Variants in SLC25A24 observed in about 807,000 individuals in gnomAD.
The protein encoded by SLC25A24 is mitochondrial adenyl nucleotide antiporter SLC25A24.
A neutral mutation model predicts 60.7 loss-of-function variants in SLC25A24; 49 were observed. That is an observed-to-expected ratio of 0.81 (90% CI 0.64 to 1.02). SLC25A24 has a LOEUF of 1.02. Among genes scored for constraint, SLC25A24 ranks in the 50% least tolerant of loss-of-function variants. The pLI, the probability that SLC25A24 is intolerant of heterozygous loss-of-function variation, is 0.00. For synonymous variants in SLC25A24, 202 were observed against 200.6 expected (o/e 1.01, Z -0.06); for missense variants, 564 against 586.3 (o/e 0.96, Z 0.39).
rs1432089927 is a variant in SLC25A24 at position 108,161,143 on chromosome 1, A to C, written c.510+39T>G. The C allele has an allele frequency of 2.6e-6, 3 of 1,135,524 alleles. No individual in the cohort carries two copies. In the African/African-American group the frequency reaches 4.6e-5, roughly 17 times the overall value. 70.3% of individuals were successfully genotyped at this position (1,135,524 alleles called of 1,614,324 possible). ...TGGGTGATAACTGTACCTATGGTTT[A>C]TAGCTCCAAATAAGTATAAATACAT... On this transcript the variant is annotated intron_variant, in intron 4 of 9. Coordinates refer to ENST00000565488, the MANE Select transcript of SLC25A24 (RefSeq NM_013386.5).
chr1:108,191,243 T>G (rs1648335445), intron 1 of SLC25A24, among the ~76,000 whole-genome samples: 1 of 138,614 alleles, frequency 7.2e-6, no homozygotes, highest in Non-Finnish European at 1.6e-5. Flanking sequence ...GCTCAAGTGA[T>G]TCTCCTGCCT....
In SLC25A24 at chr1:108,191,367, T is replaced by C. The variant is rs1440604966; in HGVS notation, c.184-5413A>G. The stretch of plus-strand genomic sequence containing the variant: ...CTGGTCTTGAACTCCTGACCCCAAG[T>C]GATCCACCTGCCTTGGCCTCCCAAA... On this transcript the variant is annotated intron_variant, in intron 1 of 9. Coordinates refer to ENST00000565488, the MANE Select transcript of SLC25A24 (RefSeq NM_013386.5). 1.4e-5 allele frequency among the ~76,000 whole-genome samples: 2 copies of C among 140,092 alleles called. 1 individual carries two copies. The highest frequency in any genetic ancestry group is 3.1e-5 in the Non-Finnish European group (2 of 63,896). The allele number at this position is 140,092 out of a possible 152,430, so 91.9% of individuals were successfully genotyped here.
intron 3 of SLC25A24, among the ~76,000 whole-genome samples, chr1:108,170,109 C>A (rs935280822): frequency 6.6e-6 from 1 of 152,070 alleles, no homozygotes; most frequent in African/African-American, 2.4e-5. Context: ...TAATTCTTTT[C>A]TAATAAAAGC....
chr1:108,161,151 A>G, intron 4 of SLC25A24, 31 bp downstream of exon 4: 1 of 1,199,364 alleles, frequency 8.3e-7, no homozygotes. Flanking sequence ...TTATAGCTCC[A>G]AATAAGTATA....
Position 108,157,610 on chromosome 1 carries a change from A to G in SLC25A24, c.521T>C (p.Ile174Thr). 2 of 1,612,990 alleles carry G rather than the reference A, an allele frequency of 1.2e-6. No homozygotes were observed. The highest frequency in any genetic ancestry group is 1.7e-6 in the Non-Finnish European group (2 of 1,179,250). Residue 174 changes from isoleucine to threonine, a missense_variant, in exon 5 of 10, where the codon ATA becomes ACA. Ile to Thr is a moderately conservative substitution (Grantham distance 89, BLOSUM62 -1). Coordinates refer to ENST00000565488, the MANE Select transcript of SLC25A24 (RefSeq NM_013386.5). ...ATCTGGAATAGTTAAGCTATCCCCT[A>G]TGTCAATTCCCTGTAAAAATGAAAA... Reference protein sequence around the residue: ...RFWKHSTGIDIGDSLTIPDEF... With the variant: ...RFWKHSTGIDTGDSLTIPDEF...
At chr1:108,170,496 T>A (rs1558019881) in intron 3 of SLC25A24, among the ~76,000 whole-genome samples, 2 of 152,108 alleles carry the variant, frequency 1.3e-5, no homozygotes, top group Non-Finnish European at 2.9e-5. Flanking sequence ...TATTTAGAAG[T>A]TTTTGTCTTC....
chr1:108,185,822 A>T lies in SLC25A24; in HGVS notation c.310+6T>A, dbSNP rs772249599. ...AGCTGGTGATAAATACAAAAGAAAG[A>T]CACACCATCATTATTTTTGTCTAAA... On this transcript the variant is annotated splice_donor_region_variant and intron_variant, in intron 2 of 9. Transcript: ENST00000565488. 1 of 1,582,134 alleles carries T rather than the reference A, an allele frequency of 6.3e-7. No individual in the cohort carries two copies. The highest frequency in any genetic ancestry group is 1.2e-5 in the South Asian group (1 of 86,916).
At chr1:108,173,345 G>A (rs977089577) in intron 3 of SLC25A24, among the ~76,000 whole-genome samples, 2 of 152,182 alleles carry the variant, frequency 1.3e-5, no homozygotes, top group Admixed American at 6.5e-5. Context: ...GAGATATGAT[G>A]GTTTTATAGG....
chr1:108,199,910 C>T (rs1558031579), intron 1 of SLC25A24, 46 bp downstream of exon 1: 2 of 1,493,038 alleles, frequency 1.3e-6, no homozygotes, highest in Non-Finnish European at 1.8e-6. Flanking sequence ...GTCCCCAGCG[C>T]CCGCAGCCCT....
At chr1:108,171,383 C>A (rs962528483) in intron 3 of SLC25A24, among the ~76,000 whole-genome samples, 1 of 152,156 alleles carries the variant, frequency 6.6e-6, no homozygotes, top group Non-Finnish European at 1.5e-5. Context: ...TTAGAACCCA[C>A]AAATGGGTCA....
At chr1:108,180,296 C>T (rs765462473) in intron 3 of SLC25A24, among the ~76,000 whole-genome samples, 10 of 151,080 alleles carry the variant, frequency 6.6e-5, no homozygotes, top group Admixed American at 1.3e-4. Flanking sequence ...ACCTGGGAGG[C>T]GGAGGTTGCA....
chr1:108,156,930 A>G (rs1679917677), intron 5 of SLC25A24, among the ~76,000 whole-genome samples: 1 of 152,216 alleles, frequency 6.6e-6, no homozygotes, highest in South Asian at 2.1e-4. Flanking sequence ...TGCTGCAAGG[A>G]TTAACTGGGT....
chr1:108,144,675 G>A (rs1338752697), intron 7 of SLC25A24, among the ~76,000 whole-genome samples: 3 of 152,274 alleles, frequency 2.0e-5, no homozygotes, highest in African/African-American at 7.2e-5. Flanking sequence ...GTGAGAACAT[G>A]TGGTGTTTGG....
intron 5 of SLC25A24, 29 bp downstream of exon 5, chr1:108,157,433 A>C (rs1285705004): frequency 6.3e-7 from 1 of 1,574,866 alleles, no homozygotes; most frequent in Non-Finnish European, 8.6e-7. Context: ...TATTTAGGGC[A>C]AACCTGGACA....
chr1:108,144,144 G>C (rs1679520642), intron 7 of SLC25A24, among the ~76,000 whole-genome samples: 1 of 152,066 alleles, frequency 6.6e-6, no homozygotes, highest in Admixed American at 6.6e-5. Flanking sequence ...AAGTTTTTTT[G>C]AGAGGTGTGT....
chr1:108,181,792 C>T, intron 3 of SLC25A24, 149 bp downstream of exon 3: 2 of 649,250 alleles, frequency 3.1e-6, no homozygotes, highest in East Asian at 2.8e-5. Flanking sequence ...TGTACACATA[C>T]AAAATGAATG....
At chr1:108,155,950 A>AACACACACACACAC (rs58815373) in intron 5 of SLC25A24, among the ~76,000 whole-genome samples, 102 of 149,242 alleles carry the variant, frequency 6.8e-4, no homozygotes, top group African/African-American at 2.4e-3. Context: ...ACTACCACTA[A>AACACACACACACAC]ACACACACAC....
intron 3 of SLC25A24, among the ~76,000 whole-genome samples, chr1:108,164,025 C>G (rs1680170022): frequency 6.6e-6 from 1 of 152,092 alleles, no homozygotes; most frequent in Non-Finnish European, 1.5e-5. Context: ...TTGTCAAAGG[C>G]TTTTTCTGCA....
intron 8 of SLC25A24, among the ~76,000 whole-genome samples, chr1:108,141,897 G>A (rs1679452147): frequency 6.6e-6 from 1 of 152,246 alleles, no homozygotes; most frequent in South Asian, 2.1e-4. Flanking sequence ...TAGAGTTTAA[G>A]TTTTGAGAAG....
Sources: allele counts gnomAD v4.1 joint callset (sites outside exome capture counted in the v4.1 genomes callset), GRCh38; gene constraint gnomAD v4.1.1; transcripts MANE v1.5; gene names NCBI Gene and HGNC (gene_info 2026-07-23, HGNC 2026-07-21).